The following AGBL4 variants were observed in gnomAD, a reference collection of about 807,000 sequenced individuals.
AGBL4 encodes the protein cytosolic carboxypeptidase 6.
In AGBL4, 58 loss-of-function variants were observed where a neutral mutation model predicts 66.4. That is an observed-to-expected ratio of 0.87 (90% CI 0.71 to 1.09). The LOEUF is 1.09. Among genes scored for constraint, AGBL4 ranks in the 50% least tolerant of loss-of-function variants. AGBL4 has a pLI of 0.00. For missense variants in AGBL4, 579 were observed against 631.0 expected (o/e 0.92, Z 0.88); for synonymous variants, 234 against 222.9 (o/e 1.05, Z -0.44).
At chr1:48,579,915 C>CA (rs35518235) in intron 11 of AGBL4, among the ~76,000 whole-genome samples, 3,081 of 65,414 alleles carry the variant, frequency 0.047, 169 homozygotes, top group African/African-American at 0.14. Context: ...GACTCCGCCT[C>CA]AAAAAAAAAA....
chr1:49,976,839 C>T (rs1272388719), intron 1 of AGBL4, among the ~76,000 whole-genome samples: 1 of 152,168 alleles, frequency 6.6e-6, no homozygotes, highest in Non-Finnish European at 1.5e-5. Context: ...CCATTTCTGA[C>T]TTTAGTTCTT....
intron 11 of AGBL4, among the ~76,000 whole-genome samples, chr1:48,576,342 C>T (rs1226089081): frequency 1.3e-5 from 2 of 152,178 alleles, no homozygotes; most frequent in East Asian, 3.9e-4. Context: ...CCCCTCCTAA[C>T]CCTGGTCCAT....
intron 1 of AGBL4, among the ~76,000 whole-genome samples, chr1:49,947,974 TTATAAATATATATTTATATATATAA>T (rs1655421431): frequency 1.4e-5 from 1 of 72,442 alleles, no homozygotes; most frequent in South Asian, 4.6e-4. Flanking sequence ...ATATATATAT[TTATAAATATATATTTATATATATAA>T]ATATATATAA....
chr1:49,662,428 C>A (rs771307282), intron 3 of AGBL4, among the ~76,000 whole-genome samples: 6 of 151,968 alleles, frequency 3.9e-5, no homozygotes, highest in Non-Finnish European at 1.5e-5. Context: ...CATCTTTTAA[C>A]ACAATGACAA....
intron 6 of AGBL4, among the ~76,000 whole-genome samples, chr1:48,769,252 T>A (rs1358682890): frequency 6.6e-6 from 1 of 152,060 alleles, no homozygotes; most frequent in African/African-American, 2.4e-5. Flanking sequence ...ACTGAGGCCA[T>A]CCACATAGGG....
chr1:49,891,814 C>G (rs961508394), intron 1 of AGBL4, among the ~76,000 whole-genome samples: 3 of 152,184 alleles, frequency 2.0e-5, no homozygotes, highest in African/African-American at 4.8e-5. Flanking sequence ...TCTCCCCATT[C>G]ATTCCCATGC....
At chr1:48,665,996 T>C (rs1646180711) in intron 6 of AGBL4, among the ~76,000 whole-genome samples, 2 of 152,206 alleles carry the variant, frequency 1.3e-5, no homozygotes, top group African/African-American at 4.8e-5. Flanking sequence ...ACTGAGCCCT[T>C]GCGTCTTCAT....
chr1:49,289,612 C>T (rs1644496038), intron 3 of AGBL4, among the ~76,000 whole-genome samples: 3 of 152,048 alleles, frequency 2.0e-5, no homozygotes, highest in Admixed American at 2.0e-4. Flanking sequence ...ACATTTTCTA[C>T]CCACATATTC....
chr1:48,915,296 C>A (rs2148885966), intron 5 of AGBL4, among the ~76,000 whole-genome samples: 1 of 152,302 alleles, frequency 6.6e-6, no homozygotes, highest in Non-Finnish European at 1.5e-5. Context: ...TTCACCTTTT[C>A]TGTTGCTGGT....
At chr1:49,680,687 C>T (rs184482840) in intron 3 of AGBL4, among the ~76,000 whole-genome samples, 1 of 151,836 alleles carries the variant, frequency 6.6e-6, no homozygotes, top group African/African-American at 2.4e-5. Context: ...TATGATATGT[C>T]TTGCCATGGT....
chr1:49,356,236 A>C (rs1418222576), intron 3 of AGBL4, among the ~76,000 whole-genome samples: 1 of 152,182 alleles, frequency 6.6e-6, no homozygotes, highest in East Asian at 1.9e-4. Flanking sequence ...CTATGGATTA[A>C]TTTGAATTTC....
intron 3 of AGBL4, among the ~76,000 whole-genome samples, chr1:49,569,675 A>G (rs1324540060): frequency 6.6e-6 from 1 of 152,156 alleles, no homozygotes; most frequent in Non-Finnish European, 1.5e-5. Flanking sequence ...CTTTCAGGTT[A>G]TCCATAAACA....
chr1:48,792,799 T>A (rs554673843), intron 6 of AGBL4, among the ~76,000 whole-genome samples: 1 of 152,326 alleles, frequency 6.6e-6, no homozygotes, highest in South Asian at 2.1e-4. Context: ...ACTACAAATA[T>A]TTAAGCATTG....
chr1:49,132,733 G>C (rs141321367), intron 4 of AGBL4, among the ~76,000 whole-genome samples: 153 of 152,270 alleles, frequency 1.0e-3, no homozygotes, highest in African/African-American at 3.5e-3. Context: ...AAAAAGTCAA[G>C]AAACAACAGA....
chr1:49,734,115 T>C (rs147112700), intron 2 of AGBL4, among the ~76,000 whole-genome samples: 228 of 152,236 alleles, frequency 1.5e-3, no homozygotes, highest in African/African-American at 5.2e-3. Context: ...CTTGATATAC[T>C]ATGAGTAGAA....
At chr1:49,657,492 A>T (rs1205685239) in intron 3 of AGBL4, among the ~76,000 whole-genome samples, 1 of 152,212 alleles carries the variant, frequency 6.6e-6, no homozygotes, top group Non-Finnish European at 1.5e-5. Context: ...TTCTTCACAG[A>T]ATTGGAAAAA....
chr1:49,120,273 T>C (rs947540045), intron 4 of AGBL4, among the ~76,000 whole-genome samples: 4 of 152,328 alleles, frequency 2.6e-5, no homozygotes, highest in African/African-American at 9.6e-5. Context: ...ATAGCATTGA[T>C]GGTCTTTACA....
chr1:49,378,431 A>G (rs1160186021), intron 3 of AGBL4, among the ~76,000 whole-genome samples: 1 of 152,102 alleles, frequency 6.6e-6, no homozygotes, highest in Non-Finnish European at 1.5e-5. Flanking sequence ...AAAACCTAAC[A>G]CTGTTGAGGA....
At chr1:49,649,099 A>AG (rs979873026) in intron 3 of AGBL4, among the ~76,000 whole-genome samples, 1 of 152,192 alleles carries the variant, frequency 6.6e-6, no homozygotes, top group African/African-American at 2.4e-5. Context: ...CAAATACAGC[A>AG]GATATTAATC....
Sources: allele counts gnomAD v4.1 joint callset (sites outside exome capture counted in the v4.1 genomes callset), GRCh38; gene constraint gnomAD v4.1.1; transcripts MANE v1.5; gene names NCBI Gene and HGNC (gene_info 2026-07-23, HGNC 2026-07-21).